PLCXD2: variants seen among roughly 807,000 people sequenced by gnomAD.
PLCXD2 encodes PI-PLC X domain-containing protein 2.
PLCXD2 carries 21 observed loss-of-function variants against 28.6 expected under a neutral mutation model. That is an observed-to-expected ratio of 0.73 (90% CI 0.52 to 1.06). PLCXD2 has a LOEUF of 1.06. Among genes scored for constraint, PLCXD2 ranks in the 50% least tolerant of loss-of-function variants. The probability of loss-of-function intolerance (pLI) is 0.00; values close to 1 mark genes in which losing one functional copy is unlikely to be tolerated. For missense variants in PLCXD2, 369 were observed against 376.7 expected, an observed-to-expected ratio of 0.98 and a Z score of 0.17; for synonymous variants, 140 against 150.1, an observed-to-expected ratio of 0.93 and a Z score of 0.49.
intron 1 of PLCXD2, among the ~76,000 whole-genome samples, chr3:111,684,117 G>A (rs997010320): frequency 1.3e-5 from 2 of 152,084 alleles, no homozygotes; most frequent in Non-Finnish European, 2.9e-5. Flanking sequence ...AGATCACAAG[G>A]TCAAGAGATC....
intron 1 of PLCXD2, among the ~76,000 whole-genome samples, chr3:111,683,008 A>G (rs1272937157): frequency 6.6e-6 from 1 of 152,194 alleles, no homozygotes; most frequent in Non-Finnish European, 1.5e-5. Flanking sequence ...TACTGTGTTA[A>G]ATCGGGTGAT....
At chr3:111,677,829 T>G (rs1370907229) in intron 1 of PLCXD2, among the ~76,000 whole-genome samples, 1 of 152,212 alleles carries the variant, frequency 6.6e-6, no homozygotes, top group Non-Finnish European at 1.5e-5. Context: ...TTTGTCTAAG[T>G]GATTATCACT....
chr3:111,682,024 A>G (rs1576452829), intron 1 of PLCXD2, among the ~76,000 whole-genome samples: 1 of 152,234 alleles, frequency 6.6e-6, no homozygotes, highest in East Asian at 1.9e-4. Context: ...ATTTGTAGAC[A>G]TTGTAATAGG....
chr3:111,682,185 T>C (rs924918722), intron 1 of PLCXD2, among the ~76,000 whole-genome samples: 6 of 152,194 alleles, frequency 3.9e-5, no homozygotes, highest in African/African-American at 1.2e-4. Flanking sequence ...TAAACATCGA[T>C]AGGAATTTGG....
At chr3:111,696,631 G>T (rs1276810249) in intron 1 of PLCXD2, among the ~76,000 whole-genome samples, 1 of 152,134 alleles carries the variant, frequency 6.6e-6, no homozygotes, top group East Asian at 1.9e-4. Flanking sequence ...TTACAGACAT[G>T]TGACCTAAAA....
intron 1 of PLCXD2, among the ~76,000 whole-genome samples, chr3:111,679,363 A>G (rs1168215945): frequency 6.6e-6 from 1 of 152,200 alleles, no homozygotes; most frequent in East Asian, 1.9e-4. Context: ...GTCCTTCCAT[A>G]TCCCTGTTAT....
At chr3:111,725,843 C>T (rs931023705) in intron 3 of PLCXD2, 19 of 398,430 alleles carry the variant, frequency 4.8e-5, no homozygotes, top group African/African-American at 8.2e-5. Flanking sequence ...CATTCCTTCC[C>T]GTCTCCTTCA....
intron 1 of PLCXD2, among the ~76,000 whole-genome samples, chr3:111,680,506 C>T (rs1940697459): frequency 2.0e-5 from 3 of 151,906 alleles, no homozygotes; most frequent in East Asian, 3.9e-4. Flanking sequence ...AAATGAGAAT[C>T]GTTTATTTTT....
At chr3:111,695,327 G>A (rs1358811788) in intron 1 of PLCXD2, among the ~76,000 whole-genome samples, 1 of 152,168 alleles carries the variant, frequency 6.6e-6, no homozygotes, top group Admixed American at 6.5e-5. Flanking sequence ...TGAAACCATG[G>A]ATAGAGCCAA....
At chr3:111,698,462 A>G (rs1224309518) in intron 1 of PLCXD2, among the ~76,000 whole-genome samples, 1 of 152,248 alleles carries the variant, frequency 6.6e-6, no homozygotes, top group Non-Finnish European at 1.5e-5. Flanking sequence ...AGGACTCACC[A>G]TTTGTGAAGT....
chr3:111,720,637 G>C, intron 3 of PLCXD2, 86 bp from the exon 4 acceptor site: 1 of 415,106 alleles, frequency 2.4e-6, no homozygotes, highest in Non-Finnish European at 4.4e-6. Context: ...GTAATATTAA[G>C]GGAAATGTTT....
intron 3 of PLCXD2, chr3:111,720,784 A>G: frequency 2.4e-6 from 1 of 416,894 alleles, no homozygotes. Flanking sequence ...GGGTGTCAAC[A>G]TCATCACATC....
intron 1 of PLCXD2, among the ~76,000 whole-genome samples, chr3:111,702,160 G>C (rs1211483546): frequency 6.6e-6 from 1 of 152,018 alleles, no homozygotes; most frequent in Non-Finnish European, 1.5e-5. Flanking sequence ...TTAAATTTAG[G>C]GACAATAAAG....
intron 3 of PLCXD2, among the ~76,000 whole-genome samples, chr3:111,714,773 T>C (rs1941245920): frequency 6.6e-6 from 1 of 152,210 alleles, no homozygotes; most frequent in African/African-American, 2.4e-5. Context: ...TTTGTGTGTG[T>C]GCGCGCACAT....
At chr3:111,676,663 A>C (rs1161916144) in intron 1 of PLCXD2, 1 of 152,228 alleles carries the variant, frequency 6.6e-6, no homozygotes, top group South Asian at 2.1e-4. Context: ...GGCATGCTTC[A>C]GAACAGGTCT....
chr3:111,680,055 G>T (rs922651863), intron 1 of PLCXD2, among the ~76,000 whole-genome samples: 1 of 152,162 alleles, frequency 6.6e-6, no homozygotes, highest in South Asian at 2.1e-4. Context: ...CATGTTGCTA[G>T]TGATCATTCC....
intron 1 of PLCXD2, among the ~76,000 whole-genome samples, chr3:111,680,521 T>C (rs1057022108): frequency 4.6e-5 from 7 of 152,182 alleles, no homozygotes; most frequent in African/African-American, 1.7e-4. Flanking sequence ...ATTTTTGTTT[T>C]GTTTTGCTTT....
At chr3:111,683,791 A>C (rs1940752382) in intron 1 of PLCXD2, among the ~76,000 whole-genome samples, 1 of 152,198 alleles carries the variant, frequency 6.6e-6, no homozygotes, top group South Asian at 2.1e-4. Flanking sequence ...AGGGCATCTT[A>C]ACAAGACTAG....
rs1229099710 is a variant in PLCXD2, at chr3:111,696,632, T to C, written c.164-11294T>C. ...AAAGAATATGCAAATTACAGACATGTGACCTAAAATTCAGACTGAGATAAA... is the reference window on the plus strand; with the variant it reads ...AAAGAATATGCAAATTACAGACATGCGACCTAAAATTCAGACTGAGATAAA... On this transcript the variant is annotated intron_variant, in intron 1 of 4. Coordinates refer to ENST00000477665, the MANE Select transcript of PLCXD2 (RefSeq NM_001185106.1). Among the ~76,000 whole-genome samples, 4 of 152,310 alleles carry C rather than the reference T, an allele frequency of 2.6e-5. No individual in the cohort carries two copies. The East Asian group carries it at 7.7e-4, about 29-fold the overall frequency.
Sources: gnomAD v4.1 joint callset for allele counts (sites outside exome capture counted in the v4.1 genomes callset) on GRCh38, gnomAD v4.1.1 for gene constraint, MANE v1.5 for transcripts, NCBI Gene and HGNC (gene_info 2026-07-23, HGNC 2026-07-21) for gene names.